The following TUSC3 variants were observed in gnomAD, a reference collection of about 807,000 sequenced individuals.
TUSC3 encodes the protein tumor suppressor candidate 3.
A neutral mutation model predicts 44.8 loss-of-function variants in TUSC3; 45 were observed. That is an observed-to-expected ratio of 1.00 (90% CI 0.79 to 1.29). The LOEUF is 1.29. Ranked by LOEUF, TUSC3 falls within the 50% of genes most tolerant of loss-of-function variation. The pLI is 0.00. For missense variants in TUSC3, 519 were observed against 437.9 expected (o/e 1.19, Z -1.65); for synonymous variants, 212 against 152.9 (o/e 1.39, Z -2.85).
At chr8:15,688,490 T>C (rs1324938869) in intron 6 of TUSC3, among the ~76,000 whole-genome samples, 2 of 151,310 alleles carry the variant, frequency 1.3e-5, no homozygotes, top group Non-Finnish European at 2.9e-5. Flanking sequence ...TGTTATATAG[T>C]TAAATTGTGT....
At chr8:15,798,676 A>G in the TUSC3 span, among the ~76,000 whole-genome samples, 5 of 152,078 alleles carry the variant, frequency 3.3e-5, no homozygotes, top group African/African-American at 1.2e-4. Flanking sequence ...TTTACACCAT[A>G]AGAACCCTAT....
chr8:15,574,920 AAACT>A (rs1309596082), intron 1 of TUSC3, among the ~76,000 whole-genome samples: 10 of 152,164 alleles, frequency 6.6e-5, no homozygotes, highest in Non-Finnish European at 1.2e-4. Context: ...TCCTGCTGTG[AAACT>A]AACTATTCTA....
At chr8:15,612,623 AAGG>A (rs1422204668) in intron 1 of TUSC3, among the ~76,000 whole-genome samples, 1 of 152,204 alleles carries the variant, frequency 6.6e-6, no homozygotes, top group Non-Finnish European at 1.5e-5. Context: ...AAAATACAAG[AAGG>A]AAAAAATATA....
At chr8:15,806,447 A>G in the TUSC3 span, 1 of 806,584 alleles carries the variant, frequency 1.2e-6, no homozygotes, top group East Asian at 2.5e-5. Flanking sequence ...AATCACACAC[A>G]TGTTGTCTTG....
chr8:15,507,436 G>T (rs1365750851), intron 2 of TUSC3, among the ~76,000 whole-genome samples: 1 of 152,074 alleles, frequency 6.6e-6, no homozygotes, highest in African/African-American at 2.4e-5. Context: ...TGGAATATTT[G>T]CTAAAAGGCA....
At chr8:15,843,973 G>A in the TUSC3 span, among the ~76,000 whole-genome samples, 340 of 152,142 alleles carry the variant, frequency 2.2e-3, 3 homozygotes, top group African/African-American at 7.5e-3. Flanking sequence ...GGAGATAGAA[G>A]GAAAATCTAA....
chr8:15,497,245 G>A (rs973682344), intron 2 of TUSC3, among the ~76,000 whole-genome samples: 10 of 152,142 alleles, frequency 6.6e-5, no homozygotes, highest in African/African-American at 1.2e-4. Context: ...GAGTGTTAGC[G>A]TCTGCTTCCA....
At chr8:15,593,495 G>C (rs1430536086) in intron 1 of TUSC3, among the ~76,000 whole-genome samples, 1 of 152,034 alleles carries the variant, frequency 6.6e-6, no homozygotes, top group Non-Finnish European at 1.5e-5. Flanking sequence ...ATATCCAAGT[G>C]AGCCATTAAT....
intron 7 of TUSC3, among the ~76,000 whole-genome samples, chr8:15,736,952 A>T (rs1196819902): frequency 6.6e-6 from 1 of 152,142 alleles, no homozygotes; most frequent in Non-Finnish European, 1.5e-5. Context: ...CAAGAAAATG[A>T]CATGAAATAA....
chr8:15,537,160 T>TGC (rs1801535632), upstream of TUSC3, among the ~76,000 whole-genome samples: 1 of 130,176 alleles, frequency 7.7e-6, no homozygotes, highest in Non-Finnish European at 1.7e-5. Context: ...CTGAAGTCTG[T>TGC]CTGAGAGATT....
At chr8:15,649,669 G>C (rs2129175206) in intron 2 of TUSC3, among the ~76,000 whole-genome samples, 1 of 150,956 alleles carries the variant, frequency 6.6e-6, no homozygotes, top group South Asian at 2.1e-4. Context: ...TGCTGCTTCT[G>C]AATCTAATGT....
chr8:15,638,684 C>A (rs1806211078), intron 2 of TUSC3, among the ~76,000 whole-genome samples: 2 of 151,812 alleles, frequency 1.3e-5, no homozygotes, highest in South Asian at 4.2e-4. Flanking sequence ...TGGTACCACG[C>A]CTGGCTAATT....
At chr8:15,485,445 T>C (rs541383813) in intron 2 of TUSC3, among the ~76,000 whole-genome samples, 1 of 151,110 alleles carries the variant, frequency 6.6e-6, no homozygotes, top group African/African-American at 2.4e-5. Flanking sequence ...AGGGAAGCAA[T>C]GTCATTATAC....
upstream of TUSC3, among the ~76,000 whole-genome samples, chr8:15,538,208 T>C (rs1440276126): frequency 2.0e-5 from 3 of 152,242 alleles, no homozygotes; most frequent in Non-Finnish European, 2.9e-5. Flanking sequence ...TGTAGCCAAT[T>C]AGGTAATTTC....
At chr8:15,610,082 G>A (rs1056411739) in intron 1 of TUSC3, among the ~76,000 whole-genome samples, 1 of 151,664 alleles carries the variant, frequency 6.6e-6, no homozygotes, top group African/African-American at 2.4e-5. Context: ...TTTTCTTTTG[G>A]AAATTTTTAA....
intron 1 of TUSC3, among the ~76,000 whole-genome samples, chr8:15,473,798 A>G (rs917950475): frequency 8.5e-5 from 13 of 152,314 alleles, no homozygotes; most frequent in Admixed American, 3.3e-4. Context: ...AGGACAAGGC[A>G]AAACAGAACT....
At chr8:15,437,958 A>G (rs992885573) in intron 1 of TUSC3, among the ~76,000 whole-genome samples, 1 of 152,232 alleles carries the variant, frequency 6.6e-6, no homozygotes, top group African/African-American at 2.4e-5. Context: ...CAGGCAGAAT[A>G]AAAGCTTTGG....
At chr8:15,631,948 C>T (rs1805787185) in intron 2 of TUSC3, among the ~76,000 whole-genome samples, 1 of 152,120 alleles carries the variant, frequency 6.6e-6, no homozygotes, top group African/African-American at 2.4e-5. Context: ...ACCTCCTGAT[C>T]CGCCTGCCTT....
At chr8:15,695,512 A>T (rs557916520) in intron 6 of TUSC3, among the ~76,000 whole-genome samples, 1 of 152,300 alleles carries the variant, frequency 6.6e-6, no homozygotes, top group Non-Finnish European at 1.5e-5. Flanking sequence ...AAAACGGACT[A>T]ATACAGTAAA....
Sources: gnomAD v4.1 joint callset for allele counts (sites outside exome capture counted in the v4.1 genomes callset) on GRCh38, gnomAD v4.1.1 for gene constraint, MANE v1.5 for transcripts, NCBI Gene and HGNC (gene_info 2026-07-23, HGNC 2026-07-21) for gene names.